KLF17: variants seen among roughly 807,000 people sequenced by gnomAD.
KLF17 encodes Krueppel-like factor 17.
A neutral mutation model predicts 34.2 loss-of-function variants in KLF17; 31 were observed. That is an observed-to-expected ratio of 0.91 (90% CI 0.68 to 1.22). The LOEUF (loss-of-function observed/expected upper bound fraction) is 1.22. KLF17 is among the 50% of genes most tolerant of loss of function. KLF17 has a pLI of 0.00. For missense variants in KLF17, 478 were observed against 505.2 expected, an observed-to-expected ratio of 0.95 and a Z score of 0.52; for synonymous variants, 179 against 186.7, an observed-to-expected ratio of 0.96 and a Z score of 0.34.
chr1:44,104,246 C>A, the KLF17 span: 1 of 1,318,686 alleles, frequency 7.6e-7, no homozygotes, highest in Non-Finnish European at 1.1e-6. Context: ...CGTACTTGTT[C>A]TTGAAGTCCT....
chr1:44,075,654 AT>A, the KLF17 span, among the ~76,000 whole-genome samples: 2 of 152,278 alleles, frequency 1.3e-5, no homozygotes, highest in African/African-American at 4.8e-5. Context: ...TGAGAATCCT[AT>A]TTTGTTCAAG....
upstream of KLF17, chr1:44,116,030 T>C (rs2087876549): frequency 1.3e-5 from 2 of 152,190 alleles, no homozygotes; most frequent in Non-Finnish European, 2.9e-5. Flanking sequence ...AATAATTTTA[T>C]TTTTAGAGGA....
chr1:44,075,746 G>A, the KLF17 span, among the ~76,000 whole-genome samples: 1 of 152,046 alleles, frequency 6.6e-6, no homozygotes, highest in African/African-American at 2.4e-5. Flanking sequence ...TTCCTCATGT[G>A]TATGGTGAGA....
the KLF17 span, chr1:44,110,454 TC>T: frequency 1.3e-5 from 2 of 151,500 alleles, no homozygotes; most frequent in East Asian, 3.9e-4. Context: ...GCTTTGGGAG[TC>T]CAAGGCGGGC....
At chr1:44,127,691 TTTTTCTTTCTTTCTTTCTTTC>T (rs2088037528) in intron 1 of KLF17, among the ~76,000 whole-genome samples, 1 of 15,266 alleles carries the variant, frequency 6.6e-5, no homozygotes, top group African/African-American at 1.7e-4. Flanking sequence ...TCTTTCTTTC[TTTTTCTTTCTTTCTTTCTTTC>T]TTCTCTTTTC....
At chr1:44,086,928 A>C in the KLF17 span, among the ~76,000 whole-genome samples, 4 of 152,220 alleles carry the variant, frequency 2.6e-5, no homozygotes, top group African/African-American at 9.6e-5. Context: ...AAAATGTAGA[A>C]TAATTGCCAG....
At chr1:44,066,340 T>TCC in the KLF17 span, among the ~76,000 whole-genome samples, 4,415 of 127,322 alleles carry the variant, frequency 0.035, 257 homozygotes, top group African/African-American at 0.12. Context: ...ACAAAAACCC[T>TCC]CCCCCCAAAA....
chr1:44,133,201 C>T (rs1214537717), intron 3 of KLF17, 37 bp from the exon 4 acceptor site: 3 of 152,126 alleles, frequency 2.0e-5, no homozygotes, highest in Non-Finnish European at 4.4e-5. Context: ...GAGTGTAACA[C>T]CTAGTAATCC....
intron 1 of KLF17, among the ~76,000 whole-genome samples, chr1:44,127,791 TC>T (rs2088044949): frequency 6.6e-6 from 1 of 150,402 alleles, no homozygotes; most frequent in Admixed American, 6.7e-5. Flanking sequence ...CTCTTTTCTT[TC>T]TTTTCTTATC....
chr1:44,071,792 C>T, the KLF17 span, among the ~76,000 whole-genome samples: 1 of 152,068 alleles, frequency 6.6e-6, no homozygotes, highest in Non-Finnish European at 1.5e-5. Flanking sequence ...ATCCAAGCTC[C>T]TAGGGTGGCA....
chr1:44,104,098 G>A, the KLF17 span: 5 of 950,748 alleles, frequency 5.3e-6, no homozygotes, highest in Non-Finnish European at 8.6e-6. Flanking sequence ...TCATACAGCC[G>A]CCTGAGGAAG....
chr1:44,055,256 C>A, the KLF17 span, among the ~76,000 whole-genome samples: 1 of 152,114 alleles, frequency 6.6e-6, no homozygotes, highest in Non-Finnish European at 1.5e-5. Flanking sequence ...TTTGGTAACC[C>A]TGGACACGGC....
At chr1:44,110,342 T>G in the KLF17 span, 1 of 152,240 alleles carries the variant, frequency 6.6e-6, no homozygotes, top group Non-Finnish European at 1.5e-5. Context: ...CATTCTATCT[T>G]AATTAGAAAT....
chr1:44,053,098 A>T, the KLF17 span, among the ~76,000 whole-genome samples: 2 of 152,032 alleles, frequency 1.3e-5, no homozygotes, highest in South Asian at 4.1e-4. Flanking sequence ...ATGGGGTTTC[A>T]CCATGTTGGC....
chr1:44,115,687 A>G (rs954313842), upstream of KLF17: 1 of 152,192 alleles, frequency 6.6e-6, no homozygotes. Flanking sequence ...TAGCCTAAGT[A>G]TTATTGCCTA....
At position 44,129,673 on chromosome 1, in the gene KLF17, C is replaced by T. The variant is rs375606880; in HGVS notation, c.402C>T (p.Pro134=). 29 of 1,614,048 alleles carry T rather than the reference C, an allele frequency of 1.8e-5. No individual in the cohort carries two copies. The highest frequency in any genetic ancestry group is 1.1e-4 in the African/African-American group (8 of 74,908). Residue 134 remains proline, a synonymous_variant, in exon 2 of 4, where the codon CCC becomes CCT. Transcript: ENST00000372299. ...TTTTCAGTGGGCCCCAACTAATGCC[C>T]GTAGGAGAGCCCAATATTCCAAGGG... is the stretch of plus-strand genomic sequence containing the variant. The part of the protein sequence containing the change: ...MTIFSGPQLM[P]VGEPNIPRVA...
chr1:44,079,338 T>C, the KLF17 span, among the ~76,000 whole-genome samples: 1 of 149,422 alleles, frequency 6.7e-6, no homozygotes, highest in African/African-American at 2.5e-5. Flanking sequence ...TCTTGCTCTG[T>C]TGCCCAGGTT....
At chr1:44,111,463 GTTTTTTTT>G in the KLF17 span, among the ~76,000 whole-genome samples, 4 of 90,482 alleles carry the variant, frequency 4.4e-5, no homozygotes, top group Admixed American at 3.8e-4. Context: ...TTTGCAACTT[GTTTTTTTT>G]TTTTTTTTTT....
chr1:44,088,542 T>G, the KLF17 span: 1 of 152,352 alleles, frequency 6.6e-6, no homozygotes, highest in Admixed American at 6.5e-5. Flanking sequence ...CCCACTGCCC[T>G]GCAGCCCTTT....
Sources: allele counts gnomAD v4.1 joint callset (sites outside exome capture counted in the v4.1 genomes callset), GRCh38; gene constraint gnomAD v4.1.1; transcripts MANE v1.5; gene names NCBI Gene and HGNC (gene_info 2026-07-23, HGNC 2026-07-21).